Variants in SLC1A4 observed in about 807,000 individuals in gnomAD.
SLC1A4 encodes neutral amino acid transporter A.
A neutral mutation model predicts 37.7 loss-of-function variants in SLC1A4; 19 were observed. The ratio of observed to expected loss-of-function variants is 0.50; its 90% CI spans 0.35 to 0.74. The LOEUF is 0.74. Among genes scored for constraint, SLC1A4 ranks in the 30% least tolerant of loss-of-function variants. SLC1A4 has a pLI of 0.01. For synonymous variants in SLC1A4, 299 were observed against 309.8 expected, an observed-to-expected ratio of 0.97 and a Z score of 0.37; for missense variants, 570 against 712.9, an observed-to-expected ratio of 0.80 and a Z score of 2.28.
chr2:64,991,294 A>C (rs1162977231), intron 1 of SLC1A4, among the ~76,000 whole-genome samples: 1 of 151,796 alleles, frequency 6.6e-6, no homozygotes, highest in Non-Finnish European at 1.5e-5. Context: ...AACAACAAAA[A>C]TCTAGGACAT....
chr2:64,998,320 C>T (rs1673342956), intron 1 of SLC1A4, among the ~76,000 whole-genome samples: 1 of 151,182 alleles, frequency 6.6e-6, no homozygotes, highest in Non-Finnish European at 1.5e-5. Context: ...ATTCGGGAAG[C>T]TGAGGCAGGA....
At chr2:65,008,140 A>T (rs1214884257) in intron 3 of SLC1A4, among the ~76,000 whole-genome samples, 1 of 152,188 alleles carries the variant, frequency 6.6e-6, no homozygotes, top group East Asian at 1.9e-4. Flanking sequence ...CCTTAATTCC[A>T]GTTAGGACTT....
chr2:65,020,528 A>G (rs1674376444), intron 7 of SLC1A4, among the ~76,000 whole-genome samples: 1 of 152,056 alleles, frequency 6.6e-6, no homozygotes, highest in South Asian at 2.1e-4. Context: ...CAGCCTCCCA[A>G]ATTGCTGGGA....
Position 64,991,314 on chromosome 2 carries a change from AAAAC to A in SLC1A4, c.527+1155_527+1158del, listed in dbSNP as rs557524012. On this transcript the variant is annotated intron_variant, in intron 1 of 7. Transcript: ENST00000234256. ...CAAAAATCTAGGACATCCGTATTTA[AAAAC>A]AAACAAACAACAACAAAAAAAAACC... 2.2e-3 allele frequency among the ~76,000 whole-genome samples: 330 copies of A among 150,374 alleles called. 1 individual carries two copies. Among genetic ancestry groups the A allele is most frequent in the South Asian group, 9.3e-3 (44 of 4,752 alleles).
intron 1 of SLC1A4, among the ~76,000 whole-genome samples, chr2:64,995,773 G>A (rs1673231776): frequency 6.6e-6 from 1 of 152,054 alleles, no homozygotes; most frequent in African/African-American, 2.4e-5. Context: ...TTAAATAAAA[G>A]GAAATAATTC....
In SLC1A4 at chr2:65,021,239, C is replaced by A; in HGVS notation, c.*93C>A. ...GGACACAGGGCACTGCCCTTGCCAA[C>A]TTTTACCCTCCCAAGCAATGCTTTG... On this transcript the variant is annotated 3_prime_UTR_variant, in exon 8 of 8. Coordinates refer to ENST00000234256, the MANE Select transcript of SLC1A4 (RefSeq NM_003038.5). The A allele has an allele frequency of 1.0e-6, 1 of 986,500 alleles. No homozygotes were observed. The highest frequency in any genetic ancestry group is 1.6e-5 in the African/African-American group (1 of 61,636). The allele number at this position is 986,500 out of a possible 1,614,324, so 61.1% of individuals were successfully genotyped here.
In SLC1A4 at chr2:65,018,772, C is replaced by G; in HGVS notation, c.1364+93C>G. On this transcript the variant is annotated intron_variant, in intron 7 of 7. Transcript: ENST00000234256. This position sits in a 1 kb window ranked among gnomAD's most constrained non-coding sequence, Gnocchi z 4.3. ...GGGCCTGGGCCATGCAGAGAAACTT[C>G]AGACACACTCCAGCCTTGTGAAGGA... 1 of 1,436,578 alleles carries G rather than the reference C, an allele frequency of 7.0e-7. No individual in the cohort carries two copies. Among genetic ancestry groups the G allele is most frequent in the Non-Finnish European group, 9.6e-7 (1 of 1,045,716 alleles). The allele number at this position is 1,436,578 out of a possible 1,614,324, so 89.0% of individuals were successfully genotyped here.
Position 65,018,805 on chromosome 2 carries a change from G to A in SLC1A4, c.1364+126G>A, listed in dbSNP as rs1254293627. ...CTCCAGCCTTGTGAAGGAGGCTACA[G>A]TGGAGCTAAAAGGGCAAGATTTAGA... is the stretch of plus-strand genomic sequence containing the variant. On this transcript the variant is annotated intron_variant, in intron 7 of 7. Transcript: ENST00000234256. The surrounding 1 kb of genome is among the most constrained non-coding windows in gnomAD (Gnocchi z 4.3). 30 of 1,153,922 alleles carry A rather than the reference G, an allele frequency of 2.6e-5. No homozygotes were observed. The highest frequency in any genetic ancestry group is 3.1e-5 in the Non-Finnish European group (25 of 816,292). The allele number at this position is 1,153,922 out of a possible 1,614,324, so 71.5% of individuals were successfully genotyped here.
intron 1 of SLC1A4, among the ~76,000 whole-genome samples, chr2:64,998,970 G>T (rs1016483638): frequency 7.9e-5 from 12 of 152,194 alleles, no homozygotes; most frequent in African/African-American, 2.9e-4. Context: ...AACAACTGAG[G>T]ATTGTTGTGT....
At position 65,012,741 on chromosome 2, in the gene SLC1A4, T is replaced by TA. The variant is rs546545320; in HGVS notation, c.800+1986dup. ...TATTAATATTTTCCAAAGTTTAGAC[T>TA]AAAAAAAAGAAATTGGGGCAGGCGC... On this transcript the variant is annotated intron_variant, in intron 4 of 7. Transcript: ENST00000234256. Among the ~76,000 whole-genome samples the TA allele has an allele frequency of 3.8e-3, 572 of 152,000 alleles. 2 individuals are homozygous for TA. Among genetic ancestry groups the TA allele is most frequent in the African/African-American group, 0.013 (531 of 41,476 alleles).
At chr2:65,015,252 T>C (rs1006526182) in intron 4 of SLC1A4, among the ~76,000 whole-genome samples, 1 of 152,222 alleles carries the variant, frequency 6.6e-6, no homozygotes, top group East Asian at 1.9e-4. Context: ...ATAGTGATGA[T>C]AGTTGCACAA....
At chr2:65,014,971 G>A (rs1015299561) in intron 4 of SLC1A4, among the ~76,000 whole-genome samples, 25 of 152,228 alleles carry the variant, frequency 1.6e-4, no homozygotes, top group African/African-American at 5.8e-4. Flanking sequence ...AAATGAGATA[G>A]AGACATACAA....
intron 1 of SLC1A4, 85 bp from the exon 2 acceptor site, chr2:65,001,363 C>T (rs1406409579): frequency 8.1e-7 from 1 of 1,228,344 alleles, no homozygotes; most frequent in African/African-American, 1.5e-5. Context: ...AATCACACCA[C>T]TGCACTCCAG....
At chr2:65,014,776 G>A (rs923409217) in intron 4 of SLC1A4, among the ~76,000 whole-genome samples, 7 of 152,234 alleles carry the variant, frequency 4.6e-5, no homozygotes, top group African/African-American at 1.7e-4. Context: ...ACAAAGGCAT[G>A]TGGTTACCAC....
chr2:65,004,090 G>A (rs910357368), intron 3 of SLC1A4, 75 bp downstream of exon 3: 12 of 1,293,370 alleles, frequency 9.3e-6, no homozygotes, highest in African/African-American at 1.5e-5. Context: ...GGAGCATACA[G>A]GACGTGGGCT....
At chr2:65,006,135 T>C (rs1358709157) in intron 3 of SLC1A4, among the ~76,000 whole-genome samples, 1 of 152,242 alleles carries the variant, frequency 6.6e-6, no homozygotes, top group African/African-American at 2.4e-5. Flanking sequence ...CCTGTGAGCA[T>C]CCACCTCAGC....
rs967527511 is a variant in SLC1A4, at chr2:65,022,319, G to A, written c.*1173G>A. 8.5e-5 allele frequency: 13 copies of A among 152,326 alleles called. No individual in the cohort carries two copies. The highest frequency in any genetic ancestry group is 2.6e-4 in the African/African-American group (11 of 41,574). 9.4% of individuals were successfully genotyped at this position (152,326 alleles called of 1,614,324 possible). A position where few individuals can be genotyped will look rare whatever the true frequency, so the allele number is the denominator to read the frequency against. On this transcript the variant is annotated 3_prime_UTR_variant, in exon 8 of 8. Transcript: ENST00000234256. ...GTTTTTCCAATTACCTGCTGACACG[G>A]TTCTAAGCTAAGTGAAGGGGAAGAT...
intron 4 of SLC1A4, 35 bp from the exon 5 acceptor site, chr2:65,016,398 GCTTTATC>G: frequency 6.6e-7 from 1 of 1,512,052 alleles, no homozygotes. Context: ...TCTCACCCCA[GCTTTATC>G]CCCCACTGAT....
chr2:65,010,191 C>T (rs1673860819), intron 3 of SLC1A4, among the ~76,000 whole-genome samples: 1 of 152,202 alleles, frequency 6.6e-6, no homozygotes, highest in East Asian at 1.9e-4. Flanking sequence ...CTTGGCCTCC[C>T]AAAGTGCTGG....
Sources: gnomAD v4.1 joint callset for allele counts (sites outside exome capture counted in the v4.1 genomes callset) on GRCh38, gnomAD v4.1.1 for gene constraint, Gnocchi (gnomAD v3.1) non-coding constraint, MANE v1.5 for transcripts, NCBI Gene and HGNC (gene_info 2026-07-23, HGNC 2026-07-21) for gene names.